The following NF1 variants were observed in gnomAD, a reference collection of about 807,000 sequenced individuals.
NF1 encodes the protein neurofibromin.
NF1 carries 122 observed loss-of-function variants against 325.7 expected under a neutral mutation model. That is an observed-to-expected ratio of 0.37 (90% CI 0.32 to 0.44). NF1 has a LOEUF of 0.44. Among genes scored for constraint, NF1 ranks in the 20% least tolerant of loss-of-function variants. The pLI is 1.00. For synonymous variants in NF1, 1,091 were observed against 1,186.0 expected (o/e 0.92, Z 1.65); for missense variants, 2,140 against 3,415.4 (o/e 0.63, Z 9.31).
At chr17:31,356,683 A>C (rs1197783482) in intron 52 of NF1, 101 bp downstream of exon 52, 1 of 1,511,950 alleles carries the variant, frequency 6.6e-7, no homozygotes, top group East Asian at 2.4e-5. Flanking sequence ...TTTAGAGTGA[A>C]ATATAGAAAC....
In NF1 at chr17:31,185,374, A is replaced by G. The variant is rs78444785; in HGVS notation, c.888+2709A>G. 7.0e-3 allele frequency among the ~76,000 whole-genome samples: 1,065 copies of G among 152,308 alleles called. 10 individuals are homozygous for G. Among genetic ancestry groups the G allele is most frequent in the Middle Eastern group, 0.024 (7 of 294 alleles). Reference sequence around the variant, plus strand: ...TGGTCATGTTTCACTTCCACAACATATGACACTGGTCTATTACATTAATGA... The same window carrying G: ...TGGTCATGTTTCACTTCCACAACATGTGACACTGGTCTATTACATTAATGA... On this transcript the variant is annotated intron_variant, in intron 8 of 57. Transcript: ENST00000358273.
intron 29 of NF1, among the ~76,000 whole-genome samples, chr17:31,243,180 C>CTCTGTGTGTGTGTGTGTGTG (rs2067330572): frequency 1.4e-5 from 1 of 73,260 alleles, no homozygotes; most frequent in East Asian, 5.3e-4. Context: ...GTCTCTCTCT[C>CTCTGTGTGTGTGTGTGTGTG]TGTCTGTGTG....
chr17:31,326,347 G>T, intron 37 of NF1, 95 bp downstream of exon 37: 4 of 1,262,426 alleles, frequency 3.2e-6, no homozygotes, highest in Non-Finnish European at 3.4e-6. Context: ...CCCTATAGTG[G>T]TGTATAAAAT....
At chr17:31,119,525 G>A (rs913045100) in intron 1 of NF1, among the ~76,000 whole-genome samples, 12 of 151,566 alleles carry the variant, frequency 7.9e-5, no homozygotes, top group Non-Finnish European at 8.8e-5. Context: ...TTGGTCAGAT[G>A]GAGAGATTGC....
rs58781141 is a variant in NF1, at chr17:31,336,413, G to A, written c.6087G>A (p.Glu2029=). ...GTGGCTTGGGATCAATAAAAGCTGA[G>A]GTGATGGCAGATACTGCTGTAGCTT... ...ATGGLGSIKA[E]VMADTAVALA... is the part of the protein sequence containing the mutation. Residue 2029 remains glutamate (E), a synonymous_variant, in exon 41 of 58, where the codon GAG becomes GAA. Coordinates refer to ENST00000358273, the MANE Select transcript of NF1 (RefSeq NM_001042492.3). The surrounding 1 kb of genome is among the most constrained non-coding windows in gnomAD (Gnocchi z 5.5). The A allele has an allele frequency of 6.2e-7, 1 of 1,614,072 alleles. No homozygotes were observed. The highest frequency in any genetic ancestry group is 1.1e-5 in the South Asian group (1 of 91,086).
rs1567846600 is a variant in NF1, at chr17:31,225,090, T to C, written c.1846-5T>C. 1 of 1,613,426 alleles carries C rather than the reference T, an allele frequency of 6.2e-7. No homozygotes were observed. ...AGTAAAGCTTATTTATTTATTTTTT[T>C]CTAGCAGGCAGATAGAAGTTCCTGT... On this transcript the variant is annotated splice_region_variant and splice_polypyrimidine_tract_variant and intron_variant, in intron 16 of 57. Coordinates refer to ENST00000358273, the MANE Select transcript of NF1 (RefSeq NM_001042492.3).
At chr17:31,169,573 G>T (rs1473603629) in intron 4 of NF1, among the ~76,000 whole-genome samples, 1 of 151,698 alleles carries the variant, frequency 6.6e-6, no homozygotes, top group Non-Finnish European at 1.5e-5. Context: ...AAGAGATAGG[G>T]CCCACTCTGT....
intron 12 of NF1, among the ~76,000 whole-genome samples, chr17:31,209,646 T>G (rs2066689344): frequency 6.6e-6 from 1 of 152,190 alleles, no homozygotes; most frequent in African/African-American, 2.4e-5. Flanking sequence ...CTCTCTTTTT[T>G]TTTCTTCTTG....
chr17:31,117,164 A>G (rs1224619487), intron 1 of NF1, among the ~76,000 whole-genome samples: 1 of 151,224 alleles, frequency 6.6e-6, no homozygotes, highest in Non-Finnish European at 1.5e-5. Context: ...TATTTTTAGT[A>G]GGGATGGGGT....
At chr17:31,130,074 G>A (rs376240252) in intron 1 of NF1, among the ~76,000 whole-genome samples, 1 of 129,330 alleles carries the variant, frequency 7.7e-6, no homozygotes, top group Non-Finnish European at 1.7e-5. Context: ...TGAAGTCGCT[G>A]TTTTTTTTTG....
At chr17:31,269,200 G>T (rs2067846283) in intron 36 of NF1, among the ~76,000 whole-genome samples, 1 of 152,148 alleles carries the variant, frequency 6.6e-6, no homozygotes, top group Non-Finnish European at 1.5e-5. Context: ...TCTGGAGCCA[G>T]TTTCCAGTAG....
intron 8 of NF1, among the ~76,000 whole-genome samples, chr17:31,190,325 G>T (rs1247003708): frequency 6.6e-6 from 1 of 152,076 alleles, no homozygotes; most frequent in Non-Finnish European, 1.5e-5. Flanking sequence ...CTTCTGAGCT[G>T]GTTAGTGTTA....
chr17:31,224,316 A>G (rs1215604251), intron 16 of NF1, among the ~76,000 whole-genome samples: 1 of 152,174 alleles, frequency 6.6e-6, no homozygotes, highest in Non-Finnish European at 1.5e-5. Context: ...GTTATGGCCT[A>G]GTTTTCGGAG....
At chr17:31,297,458 C>T (rs1018184555) in intron 36 of NF1, 1 of 152,160 alleles carries the variant, frequency 6.6e-6, no homozygotes, top group Non-Finnish European at 1.5e-5. Context: ...GATGGGATAC[C>T]TTATGCATGA....
In NF1 at chr17:31,376,750, T is replaced by TTA. The variant is rs2070736719; in HGVS notation, c.*2596_*2597insAT. 4.3e-6 allele frequency: 1 copy of TTA among 233,118 alleles called. No homozygotes were observed. The highest frequency in any genetic ancestry group is 2.2e-5 in the African/African-American group (1 of 45,362). The allele number at this position is 233,118 out of a possible 1,614,324, so 14.4% of individuals were successfully genotyped here. A position where few individuals can be genotyped will look rare whatever the true frequency, so the allele number is the denominator to read the frequency against. On this transcript the variant is annotated 3_prime_UTR_variant, in exon 58 of 58. Coordinates refer to ENST00000358273, the MANE Select transcript of NF1 (RefSeq NM_001042492.3). ...TCGGTTTGTAGATGTTTCCCCTGAC[T>TTA]TGTTAAAGAGGAAACCAGGAACTCA... is the stretch of plus-strand genomic sequence containing the variant.
At chr17:31,230,201 G>A (rs2151431319) in intron 22 of NF1, 59 bp from the exon 23 acceptor site, 1 of 1,575,248 alleles carries the variant, frequency 6.3e-7, no homozygotes, top group Non-Finnish European at 8.7e-7. Flanking sequence ...AAAGTATTTA[G>A]AATGCCTTCT....
chr17:31,317,651 C>G (rs1363904565), intron 36 of NF1: 1 of 152,026 alleles, frequency 6.6e-6, no homozygotes, highest in Non-Finnish European at 1.5e-5. Context: ...AAAGTGAATG[C>G]AAATATACGT....
At chr17:31,200,356 T>G (rs2066503871) in intron 8 of NF1, 66 bp from the exon 9 acceptor site, 8 of 1,472,146 alleles carry the variant, frequency 5.4e-6, no homozygotes, top group Non-Finnish European at 6.6e-6. Context: ...TTTGCTATAA[T>G]ATTAGCTACA....
At chr17:31,111,321 A>G (rs542074434) in intron 1 of NF1, among the ~76,000 whole-genome samples, 43 of 152,296 alleles carry the variant, frequency 2.8e-4, no homozygotes, top group African/African-American at 9.4e-4. Context: ...AGAGATTAGC[A>G]TGGAAGCAAA....
Sources: gnomAD v4.1 joint callset for allele counts (sites outside exome capture counted in the v4.1 genomes callset) on GRCh38, gnomAD v4.1.1 for gene constraint, Gnocchi (gnomAD v3.1) non-coding constraint, MANE v1.5 for transcripts, NCBI Gene and HGNC (gene_info 2026-07-23, HGNC 2026-07-21) for gene names.